DNAH7: variants seen among roughly 807,000 people sequenced by gnomAD.
DNAH7 encodes axonemal beta dynein heavy chain 7.
Under a neutral mutation model 444.6 loss-of-function variants are expected in DNAH7, and 397 were observed. That is an observed-to-expected ratio of 0.89 (90% CI 0.82 to 0.97). The LOEUF is 0.97. DNAH7 is among the 50% of genes least tolerant of loss of function. The pLI, the probability that DNAH7 is intolerant of heterozygous loss-of-function variation, is 0.00. For missense variants in DNAH7, 4,902 were observed against 4,800.8 expected (o/e 1.02, Z -0.62); for synonymous variants, 1,636 against 1,624.4 (o/e 1.01, Z -0.17).
intron 63 of DNAH7, among the ~76,000 whole-genome samples, chr2:195,744,248 G>C (rs1442981666): frequency 6.6e-6 from 1 of 152,252 alleles, no homozygotes; most frequent in Non-Finnish European, 1.5e-5. Flanking sequence ...CGCCCACGGA[G>C]TCTCGCTGAT....
At chr2:195,889,884 T>C (rs1483704262) in intron 31 of DNAH7, among the ~76,000 whole-genome samples, 1 of 152,104 alleles carries the variant, frequency 6.6e-6, no homozygotes, top group African/African-American at 2.4e-5. Flanking sequence ...CAATATAACA[T>C]TCACAGTCCC....
chr2:195,971,669 G>C (rs533184071), intron 16 of DNAH7, among the ~76,000 whole-genome samples: 2 of 152,212 alleles, frequency 1.3e-5, no homozygotes, highest in East Asian at 1.9e-4. Context: ...AAGTTGACAG[G>C]GTTACTGAAA....
chr2:195,762,260 TA>T (rs1218214023), intron 61 of DNAH7, among the ~76,000 whole-genome samples: 1 of 151,918 alleles, frequency 6.6e-6, no homozygotes, highest in South Asian at 2.1e-4. Flanking sequence ...ACACAAAAAG[TA>T]AAAAGCAAGA....
At chr2:195,986,211 T>C (rs142776046) in intron 14 of DNAH7, among the ~76,000 whole-genome samples, 24 of 152,312 alleles carry the variant, frequency 1.6e-4, no homozygotes, top group African/African-American at 4.6e-4. Context: ...ACAGTACTTA[T>C]TGCATGGTAT....
At chr2:196,055,444 C>T (rs1166796523) in intron 2 of DNAH7, among the ~76,000 whole-genome samples, 1 of 152,034 alleles carries the variant, frequency 6.6e-6, no homozygotes, top group Non-Finnish European at 1.5e-5. Context: ...GTGCAATGAG[C>T]TTCAGACAGT....
chr2:195,819,463 T>C (rs1260962219), intron 49 of DNAH7, among the ~76,000 whole-genome samples: 1 of 152,200 alleles, frequency 6.6e-6, no homozygotes, highest in East Asian at 1.9e-4. Context: ...CTGCTACTTC[T>C]ATTTCCTAAA....
rs1316215708 is a variant in DNAH7 at position 195,794,397 on chromosome 2, G to A, written c.10657C>T (p.Arg3553Ter). 14 of 1,613,978 alleles carry A rather than the reference G, an allele frequency of 8.7e-6. No homozygotes were observed. Among genetic ancestry groups the A allele is most frequent in the Non-Finnish European group, 1.2e-5 (14 of 1,180,002 alleles). ...APKGLRANII[R>*]SYLMDPISDP... ...GAGATCGGGTCCATGAGGTATGATCGAATGATATTAGCCCGTAAACCTTTT... is the reference window on the plus strand; with the variant it reads ...GAGATCGGGTCCATGAGGTATGATCAAATGATATTAGCCCGTAAACCTTTT... Residue 3553 changes from arginine to a stop codon, truncating the protein, a stop_gained, in exon 57 of 65, where the codon CGA becomes TGA. Transcript: ENST00000312428. LOFTEE classifies it high-confidence loss of function.
At position 196,006,563 on chromosome 2, in the gene DNAH7, G is replaced by GA. The variant is rs3052599; in HGVS notation, c.990-4706dup. Among the ~76,000 whole-genome samples, 733 of 134,514 alleles carry GA rather than the reference G, an allele frequency of 5.4e-3. 6 individuals carry two copies. The highest frequency in any genetic ancestry group is 0.026 in the South Asian group (107 of 4,124). The allele number at this position is 134,514 out of a possible 152,430, so 88.2% of individuals were successfully genotyped here. On this transcript the variant is annotated intron_variant, in intron 10 of 64. Transcript: ENST00000312428. ...AATCAGGGAAATTAGCTAAGGAAAG[G>GA]AAAAAAAAAAAAACATATCCAGATA... is the stretch of plus-strand genomic sequence containing the variant.
At position 195,950,343 on chromosome 2, in the gene DNAH7, A is replaced by T. The variant is rs561999442; in HGVS notation, c.3078+6918T>A. ...TCCTGGTTTAGTTTTGGGAGGGTGT[A>T]TGTGCCCAAGAATTTATCCATTTCT... On this transcript the variant is annotated intron_variant, in intron 19 of 64. Coordinates refer to ENST00000312428, the MANE Select transcript of DNAH7 (RefSeq NM_018897.3). Among the ~76,000 whole-genome samples, 6 of 152,224 alleles carry T rather than the reference A, an allele frequency of 3.9e-5. No individual in the cohort carries two copies. In the South Asian group the frequency reaches 1.2e-3, roughly 32 times the overall value.
chr2:196,016,690 G>A (rs1392202258), intron 9 of DNAH7, among the ~76,000 whole-genome samples: 1 of 152,174 alleles, frequency 6.6e-6, no homozygotes, highest in Non-Finnish European at 1.5e-5. Flanking sequence ...AGTAAGCCGA[G>A]TCTGTAAGTT....
chr2:195,804,214 C>G (rs1359966180), intron 54 of DNAH7, among the ~76,000 whole-genome samples: 1 of 152,192 alleles, frequency 6.6e-6, no homozygotes, highest in Non-Finnish European at 1.5e-5. Flanking sequence ...ATATTAGCCC[C>G]ATTCAGCAAT....
At chr2:196,025,618 G>C (rs1206235560) in intron 7 of DNAH7, among the ~76,000 whole-genome samples, 1 of 152,124 alleles carries the variant, frequency 6.6e-6, no homozygotes, top group East Asian at 1.9e-4. Flanking sequence ...GGCTCCTCCA[G>C]AGTCCTTCCT....
intron 21 of DNAH7, among the ~76,000 whole-genome samples, chr2:195,931,404 T>C (rs1001375693): frequency 1.5e-4 from 23 of 151,996 alleles, no homozygotes; most frequent in Admixed American, 7.9e-4. Context: ...TTTCTTTTGC[T>C]GTGCAGAAGC....
At chr2:196,059,879 G>T (rs375266054) in intron 1 of DNAH7, among the ~76,000 whole-genome samples, 4 of 152,062 alleles carry the variant, frequency 2.6e-5, no homozygotes, top group Admixed American at 6.6e-5. Context: ...TCTTCTCTTC[G>T]AGCAGAGAGT....
At chr2:195,785,088 T>A (rs1695553251) in intron 58 of DNAH7, among the ~76,000 whole-genome samples, 2 of 152,246 alleles carry the variant, frequency 1.3e-5, no homozygotes, top group East Asian at 1.9e-4. Flanking sequence ...ATTTTTTGTA[T>A]TTTTAGTAGA....
chr2:195,987,587 T>C (rs1332934024), intron 13 of DNAH7, among the ~76,000 whole-genome samples: 7 of 152,146 alleles, frequency 4.6e-5, no homozygotes, highest in Admixed American at 4.6e-4. Context: ...TTTAAGTTAC[T>C]AGTATTCTAC....
In DNAH7 at chr2:195,857,494, T is replaced by C. The variant is rs1293608115; in HGVS notation, c.8297A>G (p.Asn2766Ser). ...DKDNIPPAYM[N>S]IIRKNYIPNP... ...TGGAATATAATTTTTTCTTATGATA[T>C]TCATATAAGCTGGAGGAATATTGTC... The change falls in exon 44 of 65, where the codon AAT (asparagine) becomes AGT (serine). Residue 2766 changes from asparagine (N) to serine (S), a missense_variant. Asn to Ser is a conservative substitution (Grantham distance 46). Coordinates refer to ENST00000312428, the MANE Select transcript of DNAH7 (RefSeq NM_018897.3). 1 of 1,613,642 alleles carries C rather than the reference T, an allele frequency of 6.2e-7. No homozygotes were observed. The highest frequency in any genetic ancestry group is 1.3e-5 in the African/African-American group (1 of 74,986).
At chr2:196,038,018 T>G (rs1696501741) in intron 5 of DNAH7, among the ~76,000 whole-genome samples, 1 of 151,860 alleles carries the variant, frequency 6.6e-6, no homozygotes. Flanking sequence ...AATTTTCTTG[T>G]CAAGTGACAT....
intron 48 of DNAH7, among the ~76,000 whole-genome samples, chr2:195,829,439 T>G (rs1697953444): frequency 6.6e-6 from 1 of 152,076 alleles, no homozygotes; most frequent in Non-Finnish European, 1.5e-5. Context: ...GAAAACAACT[T>G]TCCTAACAAT....
Sources: gnomAD v4.1 joint callset for allele counts (sites outside exome capture counted in the v4.1 genomes callset) on GRCh38, gnomAD v4.1.1 for gene constraint, MANE v1.5 for transcripts, NCBI Gene and HGNC (gene_info 2026-07-23, HGNC 2026-07-21) for gene names.